Variants in MMS22L observed in about 807,000 individuals in gnomAD.
MMS22L encodes MMS22 like, DNA repair protein, also known as protein MMS22-like.
In MMS22L, 74 loss-of-function variants were observed where a neutral mutation model predicts 159.1. That is an observed-to-expected ratio of 0.47 (90% CI 0.39 to 0.56). The LOEUF (loss-of-function observed/expected upper bound fraction) is 0.56, where lower values mean the gene tolerates loss of function less well. MMS22L is among the 20% of genes least tolerant of loss of function. The pLI is 0.00. For missense variants in MMS22L, 1,351 were observed against 1,422.1 expected, an observed-to-expected ratio of 0.95 and a Z score of 0.80; for synonymous variants, 517 against 506.9, an observed-to-expected ratio of 1.02 and a Z score of -0.27.
intron 14 of MMS22L, among the ~76,000 whole-genome samples, chr6:97,195,902 G>A (rs565301568): frequency 2.8e-4 from 43 of 152,230 alleles, no homozygotes; most frequent in South Asian, 1.5e-3. Context: ...TAATTATTTC[G>A]CATTTTGTGA....
intron 14 of MMS22L, among the ~76,000 whole-genome samples, chr6:97,196,845 A>G (rs1299162876): frequency 2.0e-5 from 3 of 152,116 alleles, no homozygotes; most frequent in Non-Finnish European, 4.4e-5. Context: ...TCATTACAAC[A>G]TACTACACAT....
intron 11 of MMS22L, among the ~76,000 whole-genome samples, chr6:97,237,048 T>C (rs1489898358): frequency 1.3e-5 from 2 of 152,024 alleles, no homozygotes; most frequent in South Asian, 2.1e-4. Context: ...GTTGTGTATA[T>C]TGTTTAAGAA....
chr6:97,259,233 A>G (rs2128067468), intron 9 of MMS22L: 1 of 152,282 alleles, frequency 6.6e-6, no homozygotes, highest in Non-Finnish European at 1.5e-5. Flanking sequence ...GTATCAGTTC[A>G]GATATCTTCC....
intron 14 of MMS22L, among the ~76,000 whole-genome samples, chr6:97,228,103 A>T (rs1455173719): frequency 1.3e-5 from 2 of 152,254 alleles, no homozygotes; most frequent in Non-Finnish European, 2.9e-5. Context: ...AAAATGGTGT[A>T]ATGTGACCAA....
chr6:97,154,624 G>A (rs946112334), intron 22 of MMS22L, among the ~76,000 whole-genome samples: 3 of 151,990 alleles, frequency 2.0e-5, no homozygotes, highest in African/African-American at 4.8e-5. Context: ...GTTAGTTTTC[G>A]TATGTGGTAG....
intron 9 of MMS22L, chr6:97,259,444 T>A (rs529391128): frequency 6.6e-6 from 1 of 152,272 alleles, no homozygotes; most frequent in Admixed American, 6.5e-5. Flanking sequence ...AATCAATTAG[T>A]GGCCTGAATA....
At position 97,177,371 on chromosome 6, in the gene MMS22L, T is replaced by A. The variant is rs1463433260; in HGVS notation, c.2679+1072A>T. 2.6e-5 allele frequency among the ~76,000 whole-genome samples: 4 copies of A among 152,274 alleles called. No individual in the cohort carries two copies. In the East Asian group the frequency reaches 5.8e-4, roughly 22 times the overall value. On this transcript the variant is annotated intron_variant, in intron 18 of 24. Transcript: ENST00000683635. ...TTTTAGTCTTTGTGTATGTCTTATA[T>A]CCACAGAGAAGTAAAGGCCACCTGA... is the stretch of plus-strand genomic sequence containing the variant.
chr6:97,280,175 C>T (rs916440141), intron 3 of MMS22L, among the ~76,000 whole-genome samples: 4 of 152,112 alleles, frequency 2.6e-5, no homozygotes, highest in Admixed American at 2.6e-4. Context: ...GAGAGAATTC[C>T]TTCCACCTCT....
chr6:97,247,741 A>T (rs1239509315), intron 10 of MMS22L, among the ~76,000 whole-genome samples: 1 of 152,090 alleles, frequency 6.6e-6, no homozygotes, highest in South Asian at 2.1e-4. Context: ...AAAAGTAATC[A>T]TAAGACCTCA....
At chr6:97,244,765 A>G (rs1812451980) in intron 11 of MMS22L, among the ~76,000 whole-genome samples, 1 of 152,086 alleles carries the variant, frequency 6.6e-6, no homozygotes. Flanking sequence ...ACTCCCATAT[A>G]TATTAGTTCT....
At chr6:97,265,874 A>G (rs1815050940) in intron 8 of MMS22L, 1 of 152,150 alleles carries the variant, frequency 6.6e-6, no homozygotes, top group East Asian at 1.9e-4. Context: ...GGCACGCACC[A>G]CCATGCCCGG....
chr6:97,279,949 A>G (rs916324481), intron 3 of MMS22L, among the ~76,000 whole-genome samples: 1 of 152,182 alleles, frequency 6.6e-6, no homozygotes, highest in Admixed American at 6.5e-5. Flanking sequence ...TTCCATCTTA[A>G]TTCCTGATAG....
Position 97,231,617 on chromosome 6 carries a change from T to G in MMS22L, c.1338A>C (p.Lys446Asn), listed in dbSNP as rs1159540588. ...SSFSISWLPF[K>N]GLANTMKSPL... is the part of the protein sequence containing the mutation. ...GTGACTTCATGGTATTAGCAAGGCC[T>G]TTAAAAGGAAGCCAAGAAATACTGA... is the stretch of plus-strand genomic sequence containing the variant. The change falls in exon 13 of 25, where the codon AAA becomes AAC. Residue 446 changes from lysine (K) to asparagine (N), a missense_variant. By Grantham distance (94) the Lys-to-Asn change is moderately conservative. Transcript: ENST00000683635. The G allele has an allele frequency of 6.2e-7, 1 of 1,613,196 alleles. No individual in the cohort carries two copies. The highest frequency in any genetic ancestry group is 8.5e-7 in the Non-Finnish European group (1 of 1,179,576).
intron 14 of MMS22L, among the ~76,000 whole-genome samples, chr6:97,192,205 G>A (rs67915469): frequency 0.011 from 1,120 of 98,412 alleles, 5 homozygotes; most frequent in East Asian, 0.05. Flanking sequence ...TGGATGGATG[G>A]ATGGATGAAT....
chr6:97,209,037 C>T (rs534792854), intron 14 of MMS22L, among the ~76,000 whole-genome samples: 68 of 152,144 alleles, frequency 4.5e-4, no homozygotes, highest in African/African-American at 1.5e-3. Context: ...TACCCCTCCT[C>T]CTTCCTTATC....
At chr6:97,203,771 G>A (rs1807446844) in intron 14 of MMS22L, among the ~76,000 whole-genome samples, 1 of 152,094 alleles carries the variant, frequency 6.6e-6, no homozygotes, top group African/African-American at 2.4e-5. Context: ...TTATTACAGG[G>A]TAACCATTTT....
intron 11 of MMS22L, among the ~76,000 whole-genome samples, chr6:97,241,918 G>T (rs1431439746): frequency 6.6e-6 from 1 of 152,132 alleles, no homozygotes; most frequent in East Asian, 1.9e-4. Flanking sequence ...TAGTTTTCAA[G>T]GTTCATTTTG....
chr6:97,151,702 T>G (rs1801333789), intron 23 of MMS22L, 69 bp downstream of exon 23: 1 of 1,204,098 alleles, frequency 8.3e-7, no homozygotes, highest in African/African-American at 1.5e-5. Context: ...AATTAGTTAT[T>G]TAAAAAACAT....
Position 97,173,312 on chromosome 6 carries a change from A to G in MMS22L, c.2680-90T>C, listed in dbSNP as rs1055414494. The G allele has an allele frequency of 1.1e-5, 12 of 1,134,862 alleles. No individual in the cohort carries two copies. In the Admixed American group the frequency reaches 1.6e-4, roughly 15 times the overall value. The allele number at this position is 1,134,862 out of a possible 1,614,324, so 70.3% of individuals were successfully genotyped here. On this transcript the variant is annotated intron_variant, in intron 18 of 24. Coordinates refer to ENST00000683635, the MANE Select transcript of MMS22L (RefSeq NM_001350599.2). ...AGATAATTTTTCTCTCTTTTTCTACATACGCACCCATACCCTTTACATTTA... is the reference window on the plus strand; with the variant it reads ...AGATAATTTTTCTCTCTTTTTCTACGTACGCACCCATACCCTTTACATTTA...
Sources: gnomAD v4.1 joint callset for allele counts (sites outside exome capture counted in the v4.1 genomes callset) on GRCh38, gnomAD v4.1.1 for gene constraint, MANE v1.5 for transcripts, NCBI Gene and HGNC (gene_info 2026-07-23, HGNC 2026-07-21) for gene names.